GRIK2: variants seen among roughly 807,000 people sequenced by gnomAD.
GRIK2 encodes the protein glutamate ionotropic receptor kainate type subunit 2.
GRIK2 carries 32 observed loss-of-function variants against 100.3 expected under a neutral mutation model. That is an observed-to-expected ratio of 0.32 (90% CI 0.24 to 0.43). The LOEUF (loss-of-function observed/expected upper bound fraction) is 0.43. GRIK2 is among the 20% of genes least tolerant of loss of function. The probability of loss-of-function intolerance (pLI) is 1.00; values close to 1 mark genes in which losing one functional copy is unlikely to be tolerated. For missense variants in GRIK2, 843 were observed against 1,114.9 expected (o/e 0.76, Z 3.47); for synonymous variants, 417 against 389.4 (o/e 1.07, Z -0.83).
intron 14 of GRIK2, among the ~76,000 whole-genome samples, chr6:101,929,514 A>G (rs2128471940): frequency 6.6e-6 from 1 of 152,312 alleles, no homozygotes; most frequent in Non-Finnish European, 1.5e-5. Flanking sequence ...TATAAAATAA[A>G]TTATTTCATG....
intron 12 of GRIK2, among the ~76,000 whole-genome samples, chr6:101,905,637 T>A (rs1415756467): frequency 6.6e-6 from 1 of 151,610 alleles, no homozygotes; most frequent in Non-Finnish European, 1.5e-5. Context: ...ACTTGTTTTT[T>A]TATTTAGTGA....
rs569499959 is a variant in GRIK2, at chr6:101,771,925, G to A, written c.952-27723G>A. ...ATATGTGCCACATTTTCTTAATCCC[G>A]TCTATCATTGTTGGACATTTGGGTT... is the stretch of plus-strand genomic sequence containing the variant. On this transcript the variant is annotated intron_variant, in intron 7 of 16. Transcript: ENST00000369134. Among the ~76,000 whole-genome samples, 57 of 151,974 alleles carry A rather than the reference G, an allele frequency of 3.8e-4. 1 individual carries two copies. Among genetic ancestry groups the A allele is most frequent in the South Asian group, 2.1e-4 (1 of 4,804 alleles).
intron 7 of GRIK2, among the ~76,000 whole-genome samples, chr6:101,706,829 G>A (rs1773336928): frequency 6.6e-6 from 1 of 151,926 alleles, no homozygotes. Context: ...CTGAAGAGCA[G>A]CCTGCTGAAC....
At chr6:101,817,458 A>G (rs1005137615) in intron 9 of GRIK2, among the ~76,000 whole-genome samples, 1 of 152,162 alleles carries the variant, frequency 6.6e-6, no homozygotes, top group Non-Finnish European at 1.5e-5. Context: ...AAATTTTGTT[A>G]TTGATTACTC....
rs537300968 is a variant in GRIK2 at position 101,402,772 on chromosome 6, G to T, written c.115+3380G>T. Among the ~76,000 whole-genome samples, 149 of 152,290 alleles carry T rather than the reference G, an allele frequency of 9.8e-4. 1 individual carries two copies. The highest frequency in any genetic ancestry group is 3.3e-3 in the African/African-American group (139 of 41,576). ...GAGCCTGCGACTCTCCCAGGCAGGC[G>T]TCTCCAGAGCGCTGGCGCGGCGGGC... is the stretch of plus-strand genomic sequence containing the variant. On this transcript the variant is annotated intron_variant, in intron 2 of 16. Coordinates refer to ENST00000369134, the MANE Select transcript of GRIK2 (RefSeq NM_021956.5).
chr6:101,580,767 C>G (rs1040886560), intron 2 of GRIK2, among the ~76,000 whole-genome samples: 8 of 152,070 alleles, frequency 5.3e-5, no homozygotes, highest in African/African-American at 1.4e-4. Flanking sequence ...CAGGCATGCT[C>G]CTGCCTCTGG....
intron 15 of GRIK2, among the ~76,000 whole-genome samples, chr6:102,038,169 C>T (rs775657192): frequency 3.3e-5 from 5 of 151,306 alleles, no homozygotes; most frequent in African/African-American, 9.7e-5. Flanking sequence ...CTCAGAGTTT[C>T]GTCTAAGTTA....
chr6:102,004,117 A>G (rs2114274847), intron 14 of GRIK2, among the ~76,000 whole-genome samples: 1 of 151,058 alleles, frequency 6.6e-6, no homozygotes, highest in Admixed American at 6.6e-5. Flanking sequence ...ATTTGCATTT[A>G]TATTTGTTCA....
intron 2 of GRIK2, among the ~76,000 whole-genome samples, chr6:101,422,461 CAG>C (rs1776455503): frequency 6.6e-6 from 1 of 152,060 alleles, no homozygotes; most frequent in Non-Finnish European, 1.5e-5. Flanking sequence ...AGGCTGCGGC[CAG>C]AGTCTCCTCC....
intron 7 of GRIK2, among the ~76,000 whole-genome samples, chr6:101,782,725 T>C (rs550801260): frequency 2.8e-4 from 43 of 152,152 alleles, no homozygotes; most frequent in Non-Finnish European, 5.3e-4. Flanking sequence ...ACATACCCAG[T>C]AGTGAGATTG....
intron 7 of GRIK2, among the ~76,000 whole-genome samples, chr6:101,696,330 T>C (rs1423624002): frequency 6.6e-6 from 1 of 151,790 alleles, no homozygotes; most frequent in Non-Finnish European, 1.5e-5. Flanking sequence ...TAATCCTACC[T>C]CTGATGTTTT....
At chr6:101,428,110 AC>A (rs1199979330) in intron 2 of GRIK2, among the ~76,000 whole-genome samples, 1 of 152,202 alleles carries the variant, frequency 6.6e-6, no homozygotes, top group Non-Finnish European at 1.5e-5. Context: ...TCACCTATGA[AC>A]AAAAATGTCA....
chr6:101,423,990 C>T (rs959643806), intron 2 of GRIK2, among the ~76,000 whole-genome samples: 2 of 152,048 alleles, frequency 1.3e-5, no homozygotes, highest in Non-Finnish European at 2.9e-5. Context: ...TAAATGTCTA[C>T]AGCCAGAGTA....
intron 12 of GRIK2, among the ~76,000 whole-genome samples, chr6:101,898,780 T>A (rs1486662957): frequency 6.6e-6 from 1 of 151,920 alleles, no homozygotes; most frequent in Admixed American, 6.6e-5. Context: ...ACTCAAGTGG[T>A]ATTAGTATTG....
chr6:102,053,017 A>T (rs1477419796), intron 15 of GRIK2, among the ~76,000 whole-genome samples: 1 of 151,870 alleles, frequency 6.6e-6, no homozygotes, highest in African/African-American at 2.4e-5. Flanking sequence ...GCAGTGAGCC[A>T]AGATCCCACC....
chr6:101,443,159 G>T (rs950293605), intron 2 of GRIK2, among the ~76,000 whole-genome samples: 1 of 152,200 alleles, frequency 6.6e-6, no homozygotes, highest in Non-Finnish European at 1.5e-5. Context: ...TTAAGGAAAG[G>T]CACCTGGGAT....
At chr6:101,867,492 A>G (rs1785124000) in intron 11 of GRIK2, among the ~76,000 whole-genome samples, 1 of 151,890 alleles carries the variant, frequency 6.6e-6, no homozygotes, top group Non-Finnish European at 1.5e-5. Flanking sequence ...AACATGGTCT[A>G]TCACAGATCA....
chr6:101,954,186 T>C (rs1462575265), intron 14 of GRIK2, among the ~76,000 whole-genome samples: 2 of 152,154 alleles, frequency 1.3e-5, no homozygotes, highest in Admixed American at 6.5e-5. Flanking sequence ...TCAGTTTCCT[T>C]TTTTATTTCA....
intron 2 of GRIK2, among the ~76,000 whole-genome samples, chr6:101,603,326 T>C (rs1325179196): frequency 4.0e-5 from 6 of 151,704 alleles, no homozygotes; most frequent in Non-Finnish European, 8.9e-5. Context: ...AGAATTTTAT[T>C]AGAGGACTGA....
Sources: gnomAD v4.1 joint callset for allele counts (sites outside exome capture counted in the v4.1 genomes callset) on GRCh38, gnomAD v4.1.1 for gene constraint, MANE v1.5 for transcripts, NCBI Gene and HGNC (gene_info 2026-07-23, HGNC 2026-07-21) for gene names.